Variants in KIDINS220 observed in about 807,000 individuals in gnomAD.
KIDINS220 encodes kinase D interacting substrate 220.
In KIDINS220, 63 loss-of-function variants were observed where a neutral mutation model predicts 157.6. The observed-to-expected ratio is 0.40, with a 90% CI of 0.33 to 0.49. The LOEUF is 0.49. Ranked by LOEUF, KIDINS220 falls within the 20% of genes least tolerant of loss-of-function variation. The pLI is 0.66. For missense variants in KIDINS220, 1,772 were observed against 2,171.2 expected (o/e 0.82, Z 3.65); for synonymous variants, 732 against 783.6 (o/e 0.93, Z 1.10).
intron 8 of KIDINS220, among the ~76,000 whole-genome samples, chr2:8,801,422 T>C (rs917232571): frequency 1.3e-5 from 2 of 152,182 alleles, no homozygotes; most frequent in Admixed American, 6.5e-5. Flanking sequence ...GTTGGGAACA[T>C]TGGCATTAAC....
chr2:8,828,075 TC>T (rs1489599703), intron 1 of KIDINS220, among the ~76,000 whole-genome samples: 1 of 152,078 alleles, frequency 6.6e-6, no homozygotes, highest in Non-Finnish European at 1.5e-5. Flanking sequence ...CAAAGTAAAA[TC>T]AAATGTTTTT....
chr2:8,744,579 A>G (rs1353970900), intron 26 of KIDINS220, among the ~76,000 whole-genome samples: 1 of 151,198 alleles, frequency 6.6e-6, no homozygotes, highest in Non-Finnish European at 1.5e-5. Flanking sequence ...CAGGCTTTGT[A>G]TAGAGACGGC....
chr2:8,755,709 T>G (rs964820901), intron 22 of KIDINS220, among the ~76,000 whole-genome samples: 1 of 152,238 alleles, frequency 6.6e-6, no homozygotes, highest in African/African-American at 2.4e-5. Flanking sequence ...GAAATCTAGT[T>G]ATCCCAGCCC....
chr2:8,806,371 T>G lies in KIDINS220; in HGVS notation c.505-2A>C. 1 of 1,550,308 alleles carries G rather than the reference T, an allele frequency of 6.5e-7. No individual in the cohort carries two copies. The highest frequency in any genetic ancestry group is 8.7e-7 in the Non-Finnish European group (1 of 1,146,596). On this transcript the variant is annotated splice_acceptor_variant, in intron 6 of 29. Transcript: ENST00000256707. LOFTEE classifies it high-confidence loss of function. ...CCAAACTAAAGGGGTGGTTCCATACTATTAAAACAAACAATAAATTTAAAA... is the reference window on the plus strand; with the variant it reads ...CCAAACTAAAGGGGTGGTTCCATACGATTAAAACAAACAATAAATTTAAAA...
intron 17 of KIDINS220, among the ~76,000 whole-genome samples, chr2:8,781,065 G>A (rs539210575): frequency 2.0e-5 from 3 of 148,476 alleles, no homozygotes; most frequent in East Asian, 2.0e-4. Flanking sequence ...AAAGACACAC[G>A]TAGATTAAAA....
In KIDINS220 at chr2:8,798,227, T is replaced by C. The variant is rs77973158; in HGVS notation, c.974A>G (p.Asn325Ser). 1.3e-4 allele frequency: 217 copies of C among 1,610,492 alleles called. No homozygotes were observed. The highest frequency in any genetic ancestry group is 4.0e-4 in the Admixed American group (24 of 60,026). ...ATMVRDILQC[N>S]PDTEICTKDG... is the part of the protein sequence containing the mutation. ...CTTTGTGCATATTTCAGTGTCAGGATTGCACTGTAAGATATCTCTCACCAT... is the reference window on the plus strand; with the variant it reads ...CTTTGTGCATATTTCAGTGTCAGGACTGCACTGTAAGATATCTCTCACCAT... The change falls in exon 10 of 30, where the codon AAT becomes AGT. Residue 325 changes from asparagine (N) to serine (S), a missense_variant. This residue lies in a region of KIDINS220 where 725 missense variants were observed against 1,017.1 expected (regional missense o/e 0.71). Transcript: ENST00000256707.
intron 13 of KIDINS220, among the ~76,000 whole-genome samples, chr2:8,790,830 C>T (rs1026357656): frequency 4.6e-5 from 7 of 151,814 alleles, no homozygotes; most frequent in Non-Finnish European, 8.8e-5. Context: ...GTGAAGGGCC[C>T]GAAAAAAACT....
chr2:8,825,976 C>G (rs956614605), intron 2 of KIDINS220: 1 of 151,692 alleles, frequency 6.6e-6, no homozygotes, highest in Non-Finnish European at 1.5e-5. Flanking sequence ...CCCAACTACT[C>G]GGGAGGCTGA....
downstream of KIDINS220, chr2:8,721,748 G>A (rs1210555032): frequency 2.6e-5 from 4 of 152,160 alleles, no homozygotes; most frequent in Non-Finnish European, 5.9e-5. Context: ...GCTGGGCCCA[G>A]ACCCTGGCTC....
intron 6 of KIDINS220, among the ~76,000 whole-genome samples, chr2:8,810,304 G>A (rs1211443676): frequency 6.6e-6 from 1 of 151,998 alleles, no homozygotes; most frequent in Non-Finnish European, 1.5e-5. Flanking sequence ...CTTTGTTTTT[G>A]TATCTTCTGT....
In KIDINS220 at chr2:8,788,720, C is replaced by T. The variant is rs1672770755; in HGVS notation, c.1714G>A (p.Glu572Lys). ...TRLARHIGYL[E>K]LLLKLMFVNP... ...ACAAACATCAATTTAAGGAGGAGTT[C>T]CAAATATCCAATATGTCTTGCCAAT... The change falls in exon 15 of 30, where the codon GAA (glutamate) becomes AAA (lysine). Residue 572 changes from glutamate to lysine, a missense_variant. Glu to Lys is a moderately conservative substitution (Grantham distance 56). This residue lies in a region of KIDINS220 where 725 missense variants were observed against 1,017.1 expected (regional missense o/e 0.71). Coordinates refer to ENST00000256707, the MANE Select transcript of KIDINS220 (RefSeq NM_020738.4). 1 of 1,613,990 alleles carries T rather than the reference C, an allele frequency of 6.2e-7. No individual in the cohort carries two copies. Among genetic ancestry groups the T allele is most frequent in the African/African-American group, 1.3e-5 (1 of 74,906 alleles).
At position 8,776,220 on chromosome 2, in the gene KIDINS220, C is replaced by G. The variant is rs1002953254; in HGVS notation, c.2848+528G>C. On this transcript the variant is annotated intron_variant, in intron 21 of 29. Coordinates refer to ENST00000256707, the MANE Select transcript of KIDINS220 (RefSeq NM_020738.4). Reference sequence around the variant, plus strand: ...CTAGTAAATATTACAAAGTACCAACCAATACCCTGCAAAGAGACATATATT... The same window carrying G: ...CTAGTAAATATTACAAAGTACCAACGAATACCCTGCAAAGAGACATATATT... Among the ~76,000 whole-genome samples, 65 of 152,148 alleles carry G rather than the reference C, an allele frequency of 4.3e-4. 1 individual carries two copies. The highest frequency in any genetic ancestry group is 1.0e-4 in the Non-Finnish European group (7 of 67,980).
At chr2:8,824,800 A>T (rs1199980514) in intron 2 of KIDINS220, among the ~76,000 whole-genome samples, 1 of 152,230 alleles carries the variant, frequency 6.6e-6, no homozygotes, top group Non-Finnish European at 1.5e-5. Flanking sequence ...TGAATAGACC[A>T]AGAAAATGTG....
At chr2:8,792,189 CT>C (rs904769887) in intron 12 of KIDINS220, among the ~76,000 whole-genome samples, 5 of 152,074 alleles carry the variant, frequency 3.3e-5, no homozygotes, top group African/African-American at 1.2e-4. Context: ...CTTTAAAAAT[CT>C]TTGTTTAAAA....
At chr2:8,727,332 A>T (rs1377328319), downstream of KIDINS220, 28 of 913,684 alleles carry the variant, frequency 3.1e-5, no homozygotes, top group Non-Finnish European at 3.7e-5. Flanking sequence ...CAAAGAAGTT[A>T]ACTTATGGCA....
chr2:8,794,102 T>A (rs1673572662), intron 11 of KIDINS220, 115 bp from the exon 12 acceptor site: 1 of 754,378 alleles, frequency 1.3e-6, no homozygotes, highest in Non-Finnish European at 2.0e-6. Flanking sequence ...TTATTTTTCA[T>A]ATAAAGCACA....
intron 11 of KIDINS220, among the ~76,000 whole-genome samples, 197 bp downstream of exon 11, chr2:8,796,574 C>G (rs1322317702): frequency 6.6e-6 from 1 of 152,184 alleles, no homozygotes; most frequent in Non-Finnish European, 1.5e-5. Context: ...AAGTCGGAAG[C>G]AGCTGCGTTA....
chr2:8,747,392 C>A, intron 25 of KIDINS220, 191 bp from the exon 26 acceptor site: 1 of 568,834 alleles, frequency 1.8e-6, no homozygotes, highest in South Asian at 2.4e-5. Flanking sequence ...TCATCAGGAA[C>A]CTCTAATATT....
chr2:8,793,855 C>A lies in KIDINS220; in HGVS notation c.1231G>T (p.Asp411Tyr). The A allele has an allele frequency of 6.2e-7, 1 of 1,612,096 alleles. No individual in the cohort carries two copies. The highest frequency in any genetic ancestry group is 1.1e-5 in the South Asian group (1 of 90,502). The change falls in exon 12 of 30, where the codon GAC (aspartate) becomes TAC (tyrosine). Residue 411 changes from aspartate (D) to tyrosine (Y), a missense_variant. Physicochemically the swap from Asp to Tyr is radical, Grantham distance 160. Coordinates refer to ENST00000256707, the MANE Select transcript of KIDINS220 (RefSeq NM_020738.4). ...AAAATACTCTTCTGATGGCTACAGT[C>A]AATATTATAAGGAGTCTCGCCTGCT... ...NKAGETPYNI[D>Y]CSHQKSILTQ... is the part of the protein sequence containing the mutation.
Sources: allele counts gnomAD v4.1 joint callset (sites outside exome capture counted in the v4.1 genomes callset), GRCh38; gene constraint gnomAD v4.1.1; regional missense constraint gnomAD v4.1.1; transcripts MANE v1.5; gene names NCBI Gene and HGNC (gene_info 2026-07-23, HGNC 2026-07-21).